The following STAM variants were observed in gnomAD, a reference collection of about 807,000 sequenced individuals.
STAM encodes the protein signal transducing adapter molecule 1.
In STAM, 16 loss-of-function variants were observed where a neutral mutation model predicts 63.4. That is an observed-to-expected ratio of 0.25 (90% confidence interval 0.17 to 0.38). The LOEUF is 0.38. Among genes scored for constraint, STAM ranks in the 10% least tolerant of loss-of-function variants. The probability of loss-of-function intolerance (pLI) is 1.00; values close to 1 mark genes in which losing one functional copy is unlikely to be tolerated. For synonymous variants in STAM, 238 were observed against 223.9 expected, an observed-to-expected ratio of 1.06 and a Z score of -0.56; for missense variants, 636 against 657.1, an observed-to-expected ratio of 0.97 and a Z score of 0.35.
rs566806268 is a variant in STAM, at chr10:17,644,183, C to T, written c.-157C>T. ...GTTGCCGCCGCCGCAGCTGCTGCCGCGGTTGGTGGGGTTGGGTGAGAGGAG... is the reference window on the plus strand; with the variant it reads ...GTTGCCGCCGCCGCAGCTGCTGCCGTGGTTGGTGGGGTTGGGTGAGAGGAG... On this transcript the variant is annotated 5_prime_UTR_variant, in exon 1 of 14. Transcript: ENST00000377524. 1.6e-5 allele frequency: 12 copies of T among 733,784 alleles called. No homozygotes were observed. Among genetic ancestry groups the T allele is most frequent in the Admixed American group, 1.5e-4 (6 of 41,274 alleles). The allele number at this position is 733,784 out of a possible 1,614,324, so 45.5% of individuals were successfully genotyped here. A position where few individuals can be genotyped will look rare whatever the true frequency, so the allele number is the denominator to read the frequency against.
rs782812014 is a variant in STAM, at chr10:17,682,524, G to A, written c.126-2151G>A. Among the ~76,000 whole-genome samples the A allele has an allele frequency of 2.0e-5, 3 of 152,156 alleles. No individual in the cohort carries two copies. In the East Asian group the frequency reaches 5.8e-4, roughly 29 times the overall value. ...CATTTGTTGTAAGCCTTAGATATTT[G>A]TTATTTGATTTCCAAATATTTGGGT... is the stretch of plus-strand genomic sequence containing the variant. On this transcript the variant is annotated intron_variant, in intron 2 of 13. Transcript: ENST00000377524.
chr10:17,707,396 CA>C (rs1467672939), intron 12 of STAM, among the ~76,000 whole-genome samples: 1 of 151,866 alleles, frequency 6.6e-6, no homozygotes. Context: ...GGCGACAGAG[CA>C]AGACTCCACC....
chr10:17,655,408 G>A (rs1259719706), intron 1 of STAM, among the ~76,000 whole-genome samples: 2 of 152,032 alleles, frequency 1.3e-5, no homozygotes, highest in African/African-American at 2.4e-5. Context: ...TTTTAGGGTA[G>A]CTAGGTAGGT....
chr10:17,708,857 C>T lies in STAM; in HGVS notation c.1291C>T (p.Pro431Ser), dbSNP rs376019961. 58 of 1,614,048 alleles carry T rather than the reference C, an allele frequency of 3.6e-5. No individual in the cohort carries two copies. The highest frequency in any genetic ancestry group is 4.7e-5 in the Non-Finnish European group (55 of 1,180,018). The change falls in exon 13 of 14, where the codon CCC (proline) becomes TCC (serine). Residue 431 changes from proline (P) to serine (S), a missense_variant. Pro to Ser is a moderately conservative substitution (Grantham distance 74). Around this residue, in one of 3 missense-constraint regions of STAM, gnomAD observed 532 missense variants for 536.9 expected, o/e 0.99. Transcript: ENST00000377524. The part of the protein sequence containing the change: ...QMSHLQSYSL[P>S]PEQLSSLSQA... ...GAGCCACCTCCAGAGCTACAGTCTT[C>T]CCCCGGAGCAGCTGTCTTCTCTCAG...
intron 1 of STAM, among the ~76,000 whole-genome samples, chr10:17,655,876 C>T (rs1247092232): frequency 2.6e-5 from 4 of 152,044 alleles, no homozygotes; most frequent in African/African-American, 9.7e-5. Context: ...AGACTGGTTA[C>T]CCTCTGCTTC....
chr10:17,675,585 C>T (rs1046343904), intron 2 of STAM, among the ~76,000 whole-genome samples: 2 of 151,546 alleles, frequency 1.3e-5, no homozygotes, highest in African/African-American at 4.9e-5. Flanking sequence ...GTTTGGACAA[C>T]TATGTTTATG....
intron 12 of STAM, among the ~76,000 whole-genome samples, chr10:17,707,871 T>C (rs1836365584): frequency 6.6e-6 from 1 of 151,820 alleles, no homozygotes; most frequent in Non-Finnish European, 1.5e-5. Flanking sequence ...AAATCCAGCC[T>C]GTTGCCTGTT....
intron 5 of STAM, among the ~76,000 whole-genome samples, chr10:17,692,661 A>T (rs1333560113): frequency 3.9e-5 from 6 of 152,228 alleles, no homozygotes; most frequent in African/African-American, 1.4e-4. Context: ...TATTTACACA[A>T]TTTAATAGAG....
At chr10:17,688,960 G>GA (rs1399784010) in intron 5 of STAM, among the ~76,000 whole-genome samples, 3 of 152,260 alleles carry the variant, frequency 2.0e-5, no homozygotes, top group Admixed American at 6.5e-5. Flanking sequence ...GAGGACTTTA[G>GA]AAGGGGTAAA....
chr10:17,660,544 A>C lies in STAM; in HGVS notation c.121A>C (p.Thr41Pro), dbSNP rs140058206. The part of the protein sequence containing the change: ...DICDKVGQSR[T>P]GPKDCLRSIM... ...CTGTGATAAAGTTGGTCAGTCTCGC[A>C]CTGGGTAAGTATTTAGCGTTTCAAA... The change falls in exon 2 of 14, where the codon ACT becomes CCT. Residue 41 changes from threonine to proline, a missense_variant. Around this residue, in one of 3 missense-constraint regions of STAM, gnomAD observed 87 missense variants for 80.3 expected, o/e 1.08. Coordinates refer to ENST00000377524, the MANE Select transcript of STAM (RefSeq NM_003473.4). 36 of 1,597,446 alleles carry C rather than the reference A, an allele frequency of 2.3e-5. No individual in the cohort carries two copies. The highest frequency in any genetic ancestry group is 2.8e-5 in the Non-Finnish European group (33 of 1,171,540).
chr10:17,684,815 T>A lies in STAM; in HGVS notation c.202-17T>A, dbSNP rs370593663. 172 of 1,613,688 alleles carry A rather than the reference T, an allele frequency of 1.1e-4. No individual in the cohort carries two copies. The highest frequency in any genetic ancestry group is 2.3e-4 in the Admixed American group (14 of 59,936). ...GCCACAATTGAGCCCCTTTAACTTC[T>A]GATTTTGTGCTTTTAGCTTCTAGGA... On this transcript the variant is annotated splice_polypyrimidine_tract_variant and intron_variant, in intron 3 of 13. Transcript: ENST00000377524.
chr10:17,704,414 C>A lies in STAM; in HGVS notation c.913-17C>A. ...AAAGGTTGGTAGCTTTTTATATTAA[C>A]TACTTAATTCCTGTAGGATAAAATG... On this transcript the variant is annotated splice_polypyrimidine_tract_variant and intron_variant, in intron 9 of 13. Coordinates refer to ENST00000377524, the MANE Select transcript of STAM (RefSeq NM_003473.4). 1 of 1,604,778 alleles carries A rather than the reference C, an allele frequency of 6.2e-7. No individual in the cohort carries two copies. Among genetic ancestry groups the A allele is most frequent in the African/African-American group, 1.3e-5 (1 of 74,770 alleles).
At chr10:17,670,692 G>T (rs561635997) in intron 2 of STAM, among the ~76,000 whole-genome samples, 7 of 152,138 alleles carry the variant, frequency 4.6e-5, no homozygotes, top group African/African-American at 1.7e-4. Context: ...CTTTTCTAAT[G>T]AAGTCCTTTG....
intron 2 of STAM, among the ~76,000 whole-genome samples, chr10:17,669,884 C>CTTTTTTTTTTTTTTTTTT (rs76381388): frequency 8.3e-6 from 1 of 120,758 alleles, no homozygotes. Context: ...CTTTTCTTTT[C>CTTTTTTTTTTTTTTTTTT]TTTTTTTTTT....
intron 2 of STAM, among the ~76,000 whole-genome samples, chr10:17,661,987 A>AC (rs1262346923): frequency 5.9e-5 from 9 of 152,196 alleles, no homozygotes; most frequent in African/African-American, 2.2e-4. Context: ...ACTGTGTGTT[A>AC]CATATCGCGT....
chr10:17,708,935 C>T lies in STAM; in HGVS notation c.1369C>T (p.Gln457Ter). The change falls in exon 13 of 14, where the codon CAG (glutamine) becomes TAG (stop). Residue 457 changes from glutamine to a stop codon, truncating the protein, a stop_gained. Coordinates refer to ENST00000377524, the MANE Select transcript of STAM (RefSeq NM_003473.4). LOFTEE classifies it high-confidence loss of function. ...ANPALPSQQT[Q>*]AAYPNTMVSS... ...CCCAGCCCTTCCTAGTCAGCAGACT[C>T]AGGCCGCTTACCCAAAGTAATTTTA... The T allele has an allele frequency of 6.2e-7, 1 of 1,613,866 alleles. No homozygotes were observed. The highest frequency in any genetic ancestry group is 8.5e-7 in the Non-Finnish European group (1 of 1,179,822).
intron 2 of STAM, chr10:17,673,049 G>C: frequency 1.0e-6 from 1 of 985,348 alleles, no homozygotes; most frequent in African/African-American, 1.7e-5. Flanking sequence ...CTTTTTGAGA[G>C]AGATGAGGAT....
At position 17,708,818 on chromosome 10, in the gene STAM, G is replaced by A. The variant is rs1283831499; in HGVS notation, c.1252G>A (p.Gly418Arg). ...PPPSGAYLVA[G>R]NAQMSHLQSY... ...TCCAAGTGGTGCCTACCTGGTTGCA[G>A]GGAACGCGCAGATGAGCCACCTCCA... Residue 418 changes from glycine to arginine, a missense_variant, in exon 13 of 14, where the codon GGG becomes AGG. Coordinates refer to ENST00000377524, the MANE Select transcript of STAM (RefSeq NM_003473.4). 6.2e-7 allele frequency: 1 copy of A among 1,613,986 alleles called. No individual in the cohort carries two copies. Among genetic ancestry groups the A allele is most frequent in the African/African-American group, 1.3e-5 (1 of 74,932 alleles).
chr10:17,685,174 A>G (rs1270261849), intron 4 of STAM, among the ~76,000 whole-genome samples: 7 of 152,208 alleles, frequency 4.6e-5, no homozygotes, highest in Admixed American at 4.6e-4. Context: ...CTTTCATCTG[A>G]TAAGAAAACA....
Sources: allele counts gnomAD v4.1 joint callset (sites outside exome capture counted in the v4.1 genomes callset), GRCh38; gene constraint gnomAD v4.1.1; regional missense constraint gnomAD v4.1.1; transcripts MANE v1.5; gene names NCBI Gene and HGNC (gene_info 2026-07-23, HGNC 2026-07-21).